Variants in COL21A1 observed in about 807,000 individuals in gnomAD.
The protein encoded by COL21A1 is collagen type XXI alpha 1 chain, also known as collagen alpha-1(XXI) chain.
A neutral mutation model predicts 137.9 loss-of-function variants in COL21A1; 149 were observed. That is an observed-to-expected ratio of 1.08 (90% CI 0.95 to 1.24). COL21A1 has a LOEUF of 1.24. Ranked by LOEUF, COL21A1 falls within the 50% of genes most tolerant of loss-of-function variation. The probability of loss-of-function intolerance (pLI) is 0.00; values close to 1 mark genes in which losing one functional copy is unlikely to be tolerated. For synonymous variants in COL21A1, 456 were observed against 391.5 expected (o/e 1.16, Z -1.95); for missense variants, 1,167 against 1,158.4 (o/e 1.01, Z -0.11).
intron 20 of COL21A1, among the ~76,000 whole-genome samples, chr6:56,071,424 T>A (rs1766744901): frequency 1.3e-5 from 2 of 151,520 alleles, no homozygotes; most frequent in Admixed American, 1.3e-4. Context: ...GGAGAGATTG[T>A]CAAATGTAGT....
chr6:56,382,132 T>C (rs1211973465), intron 1 of COL21A1, among the ~76,000 whole-genome samples: 1 of 152,082 alleles, frequency 6.6e-6, no homozygotes, highest in African/African-American at 2.4e-5. Flanking sequence ...TGGTGAGATT[T>C]ATTATGTGTC....
intron 1 of COL21A1, among the ~76,000 whole-genome samples, chr6:56,367,107 G>A (rs1766118334): frequency 6.6e-6 from 1 of 152,064 alleles, no homozygotes. Context: ...TAATTTAGTA[G>A]CTTTTCCATT....
At chr6:56,158,865 C>G (rs923049418) in intron 9 of COL21A1, among the ~76,000 whole-genome samples, 2 of 151,960 alleles carry the variant, frequency 1.3e-5, no homozygotes, top group African/African-American at 4.8e-5. Flanking sequence ...AAAGAAGAGC[C>G]GTAAATCCAA....
At chr6:56,266,024 A>G (rs1763383173) in intron 1 of COL21A1, among the ~76,000 whole-genome samples, 1 of 152,256 alleles carries the variant, frequency 6.6e-6, no homozygotes, top group Non-Finnish European at 1.5e-5. Context: ...CCTCTGTCCC[A>G]GTGCTTTTAA....
rs566695732 is a variant in COL21A1, at chr6:56,286,585, C to T, written c.-38-103929G>A. ...ATAGCATTTAGCACGGGGCTGAGCACGTAGTAAGTACTGAACAAGTACAAG... is the reference window on the plus strand; with the variant it reads ...ATAGCATTTAGCACGGGGCTGAGCATGTAGTAAGTACTGAACAAGTACAAG... On this transcript the variant is annotated intron_variant, in intron 1 of 28. Coordinates refer to the COL21A1 transcript ENST00000370819. Among the ~76,000 whole-genome samples the T allele has an allele frequency of 7.5e-4, 114 of 152,268 alleles. 3 individuals carry two copies. In the South Asian group the frequency reaches 0.023, roughly 30 times the overall value.
At chr6:56,290,956 C>CA in intron 1 of COL21A1, among the ~76,000 whole-genome samples, 1 of 152,220 alleles carries the variant, frequency 6.6e-6, no homozygotes, top group East Asian at 1.9e-4. Flanking sequence ...CACTTCTCTA[C>CA]ACCTTTGAAT....
At chr6:56,260,635 G>GAAA (rs1562028780) in intron 1 of COL21A1, among the ~76,000 whole-genome samples, 3 of 42,744 alleles carry the variant, frequency 7.0e-5, no homozygotes, top group African/African-American at 2.6e-4. Flanking sequence ...GAGGAAGGAA[G>GAAA]GAAGGAAGGA....
chr6:56,129,947 T>A (rs552897183), intron 12 of COL21A1, among the ~76,000 whole-genome samples: 1 of 148,468 alleles, frequency 6.7e-6, no homozygotes, highest in Non-Finnish European at 1.5e-5. Flanking sequence ...TGAATATATA[T>A]ATTCAAAGTG....
chr6:56,065,092 C>T (rs1382158207), intron 23 of COL21A1, among the ~76,000 whole-genome samples: 2 of 151,904 alleles, frequency 1.3e-5, no homozygotes, highest in Admixed American at 6.6e-5. Flanking sequence ...AAATGAAGAG[C>T]TTTAAAGCAG....
chr6:56,170,444 T>C (rs1265832285), intron 5 of COL21A1, among the ~76,000 whole-genome samples: 1 of 151,982 alleles, frequency 6.6e-6, no homozygotes, highest in Non-Finnish European at 1.5e-5. Flanking sequence ...AATATGTCAG[T>C]TCCCCCTCAG....
intron 1 of COL21A1, among the ~76,000 whole-genome samples, chr6:56,309,693 G>C (rs937401488): frequency 5.3e-5 from 8 of 152,158 alleles, no homozygotes; most frequent in African/African-American, 1.9e-4. Context: ...CGCAACAGTT[G>C]AGTCAAAAAG....
chr6:56,285,221 A>T (rs1763877533), intron 1 of COL21A1, among the ~76,000 whole-genome samples: 1 of 152,174 alleles, frequency 6.6e-6, no homozygotes, highest in East Asian at 1.9e-4. Flanking sequence ...TAGCTACCAT[A>T]TAACTGGGCA....
intron 1 of COL21A1, among the ~76,000 whole-genome samples, chr6:56,201,429 T>C (rs1483536532): frequency 1.3e-5 from 2 of 152,236 alleles, no homozygotes; most frequent in Admixed American, 6.5e-5. Context: ...AGGGTTTTTA[T>C]GGATTTAGGT....
Position 56,230,359 on chromosome 6 carries a change from C to T in COL21A1, c.-39+17028G>A, listed in dbSNP as rs1315560539. Among the ~76,000 whole-genome samples, 6 of 151,972 alleles carry T rather than the reference C, an allele frequency of 3.9e-5. No individual in the cohort carries two copies. In the East Asian group the frequency reaches 7.8e-4, roughly 20 times the overall value. On this transcript the variant is annotated intron_variant, in intron 1 of 29. Coordinates refer to ENST00000244728, the MANE Select transcript of COL21A1 (RefSeq NM_030820.4). ...CAGTCAAGAAATATCATAAAGCAAA[C>T]TCAATGTTTAGCATCCTTCAAGTGC... is the stretch of plus-strand genomic sequence containing the variant.
intron 1 of COL21A1, among the ~76,000 whole-genome samples, chr6:56,300,816 TTGAC>T (rs1764261760): frequency 6.6e-6 from 1 of 152,166 alleles, no homozygotes; most frequent in Admixed American, 6.5e-5. Context: ...GCTTGGTTGA[TTGAC>T]TGGTGAAGAC....
intron 20 of COL21A1, among the ~76,000 whole-genome samples, chr6:56,072,397 T>A (rs1766838694): frequency 6.6e-6 from 1 of 151,524 alleles, no homozygotes; most frequent in African/African-American, 2.4e-5. Context: ...CAGCTATTTT[T>A]AAGTATTATA....
At chr6:56,139,405 A>G (rs62413479) in intron 12 of COL21A1, among the ~76,000 whole-genome samples, 22,816 of 152,108 alleles carry the variant, frequency 0.15, 1,749 homozygotes, top group Middle Eastern at 0.22. Context: ...TAAGCAGTCT[A>G]AATTCAGAAC....
chr6:56,253,412 G>A (rs1255831780), intron 1 of COL21A1, among the ~76,000 whole-genome samples: 1 of 152,218 alleles, frequency 6.6e-6, no homozygotes, highest in Non-Finnish European at 1.5e-5. Context: ...GAAGAAAAGA[G>A]AGTTAGTTAG....
chr6:56,180,638 C>T (rs1424125311), intron 2 of COL21A1, among the ~76,000 whole-genome samples: 1 of 152,110 alleles, frequency 6.6e-6, no homozygotes, highest in African/African-American at 2.4e-5. Context: ...AAAAAAATAC[C>T]ATCTTTGGTG....
Sources: gnomAD v4.1 joint callset for allele counts (sites outside exome capture counted in the v4.1 genomes callset) on GRCh38, gnomAD v4.1.1 for gene constraint, MANE v1.5 for transcripts, NCBI Gene and HGNC (gene_info 2026-07-23, HGNC 2026-07-21) for gene names.